ADH4: variants seen among roughly 807,000 people sequenced by gnomAD.
ADH4 encodes the protein alcohol dehydrogenase 4 (class II), pi polypeptide.
ADH4 carries 31 observed loss-of-function variants against 35.2 expected under a neutral mutation model. The observed-to-expected ratio is 0.88, with a 90% confidence interval of 0.66 to 1.19. ADH4 has a LOEUF of 1.19. ADH4 is among the 50% of genes most tolerant of loss of function. The pLI, the probability that ADH4 is intolerant of heterozygous loss-of-function variation, is 0.00. For missense variants in ADH4, 476 were observed against 458.3 expected, an observed-to-expected ratio of 1.04 and a Z score of -0.35; for synonymous variants, 171 against 160.2, an observed-to-expected ratio of 1.07 and a Z score of -0.51.
Position 99,136,493 on chromosome 4 carries a change from G to C in ADH4, c.555C>G (p.Gly185=), listed in dbSNP as rs1729436030. ...VCLLGCGFST[G]YGAAINNAKV... is the part of the protein sequence containing the mutation. ...TGGCATTGTTGATTGCAGCCCCATAGCCAGTTGAAAACCCACATCCAAGCA... is the reference window on the plus strand; with the variant it reads ...TGGCATTGTTGATTGCAGCCCCATACCCAGTTGAAAACCCACATCCAAGCA... The change falls in exon 5 of 9, where the codon GGC becomes GGG. Residue 185 remains glycine (G), a synonymous_variant. Transcript: ENST00000265512. 6.2e-7 allele frequency: 1 copy of C among 1,614,034 alleles called. No homozygotes were observed. Among genetic ancestry groups the C allele is most frequent in the Non-Finnish European group, 8.5e-7 (1 of 1,179,998 alleles).
At chr4:99,132,413 C>G (rs1190843929) in intron 5 of ADH4, among the ~76,000 whole-genome samples, 3 of 152,190 alleles carry the variant, frequency 2.0e-5, no homozygotes, top group Non-Finnish European at 4.4e-5. Flanking sequence ...GCCTGACTTC[C>G]AAGACATTCT....
At chr4:99,127,480 C>G in intron 6 of ADH4, 136 bp from the exon 7 acceptor site, 1 of 599,226 alleles carries the variant, frequency 1.7e-6, no homozygotes, top group Non-Finnish European at 2.7e-6. Flanking sequence ...CTAATGACAT[C>G]ATAGTATCAT....
intron 5 of ADH4, chr4:99,133,868 T>C (rs1336186386): frequency 6.6e-6 from 1 of 152,224 alleles, no homozygotes; most frequent in Admixed American, 6.5e-5. Flanking sequence ...CTGCAATGTT[T>C]TCCTTATTTA....
rs115965394 is a variant in ADH4, at chr4:99,126,485, G to T, written c.1118+109C>A. 7,477 of 1,104,900 alleles carry T rather than the reference G, an allele frequency of 6.8e-3. 41 individuals carry two copies. The highest frequency in any genetic ancestry group is 0.016 in the Middle Eastern group (50 of 3,164). The allele number at this position is 1,104,900 out of a possible 1,614,324, so 68.4% of individuals were successfully genotyped here. Reference sequence around the variant, plus strand: ...TCTTTTAAGCACATCTAGTACCTGGGATGTGGAAAATGTCAGAAAAAACAA... The same window carrying T: ...TCTTTTAAGCACATCTAGTACCTGGTATGTGGAAAATGTCAGAAAAAACAA... On this transcript the variant is annotated intron_variant, in intron 8 of 8. Transcript: ENST00000265512.
intron 5 of ADH4, among the ~76,000 whole-genome samples, chr4:99,134,726 C>T (rs761347180): frequency 4.0e-5 from 6 of 151,540 alleles, no homozygotes; most frequent in Non-Finnish European, 5.9e-5. Context: ...TAATTGTGTG[C>T]GTAAATACAT....
chr4:99,131,722 C>CA lies in ADH4; in HGVS notation c.624dup (p.Val209CysfsTer10). On this transcript the variant is annotated frameshift_variant, in exon 6 of 9. Coordinates refer to ENST00000265512, the MANE Select transcript of ADH4 (RefSeq NM_000670.5). LOFTEE classifies it high-confidence loss of function. ...CAACCCATTACAGCAGAAAGACCCA[C>CA]ACCTCCTAGGCCAAAGACAGCACAA... is the stretch of plus-strand genomic sequence containing the variant. The CA allele has an allele frequency of 6.2e-7, 1 of 1,614,192 alleles. No individual in the cohort carries two copies. Among genetic ancestry groups the CA allele is most frequent in the East Asian group, 2.2e-5 (1 of 44,878 alleles).
chr4:99,127,065 A>G (rs1729118660), intron 7 of ADH4, 144 bp downstream of exon 7: 1 of 484,390 alleles, frequency 2.1e-6, no homozygotes, highest in African/African-American at 2.0e-5. Flanking sequence ...TAAGTCATTA[A>G]TAGTTTTTAT....
At chr4:99,132,976 A>G (rs1729334134) in intron 5 of ADH4, among the ~76,000 whole-genome samples, 1 of 152,136 alleles carries the variant, frequency 6.6e-6, no homozygotes, top group Non-Finnish European at 1.5e-5. Flanking sequence ...AAATAGTAAG[A>G]ATATTGTTCT....
chr4:99,128,273 A>G (rs941282437), intron 6 of ADH4, among the ~76,000 whole-genome samples: 1 of 152,152 alleles, frequency 6.6e-6, no homozygotes, highest in African/African-American at 2.4e-5. Context: ...CGTCTCTACT[A>G]AAAATACAAA....
chr4:99,134,380 G>GTATATA (rs29001188), intron 5 of ADH4, among the ~76,000 whole-genome samples: 47 of 151,740 alleles, frequency 3.1e-4, no homozygotes, highest in African/African-American at 6.3e-4. Flanking sequence ...ATTCTACAGT[G>GTATATA]TATATATATA....
Position 99,141,552 on chromosome 4 carries a change from T to C in ADH4, c.251A>G (p.Asn84Ser). The C allele has an allele frequency of 6.2e-7, 1 of 1,607,684 alleles. No homozygotes were observed. The highest frequency in any genetic ancestry group is 1.3e-5 in the African/African-American group (1 of 74,622). Reference protein sequence around the residue: ...IVESIGPGVTNVKPGDKVIPL... With the variant: ...IVESIGPGVTSVKPGDKVIPL... ...ATAAAATAAAATACCTGGTTTGACG[T>C]TGGTCACTCCTGGCCCAATACTTTC... The change falls in exon 3 of 9, where the codon AAC (asparagine) becomes AGC (serine). Residue 84 changes from asparagine (N) to serine (S), a missense_variant. Coordinates refer to ENST00000265512, the MANE Select transcript of ADH4 (RefSeq NM_000670.5).
intron 3 of ADH4, among the ~76,000 whole-genome samples, chr4:99,139,400 C>T (rs1729542564): frequency 6.6e-6 from 1 of 152,142 alleles, no homozygotes; most frequent in Non-Finnish European, 1.5e-5. Flanking sequence ...AGATACAGAA[C>T]TCTGGGACTT....
chr4:99,139,044 C>G lies in ADH4; in HGVS notation c.350+17G>C. On this transcript the variant is annotated intron_variant, in intron 4 of 8. Transcript: ENST00000265512. ...TCATTCAAATTTATACTAATACTAA[C>G]AGTGTAGAGTGCTTACCTGATTTTC... 6.3e-7 allele frequency: 1 copy of G among 1,574,928 alleles called. No individual in the cohort carries two copies. Among genetic ancestry groups the G allele is most frequent in the Non-Finnish European group, 8.7e-7 (1 of 1,149,490 alleles).
At position 99,138,920 on chromosome 4, in the gene ADH4, C is replaced by G. The variant is rs192325684; in HGVS notation, c.350+141G>C. 5.3e-6 allele frequency: 3 copies of G among 567,916 alleles called. No homozygotes were observed. The Admixed American group carries it at 1.0e-4, about 20-fold the overall frequency. The allele number at this position is 567,916 out of a possible 1,614,324, so 35.2% of individuals were successfully genotyped here. On this transcript the variant is annotated intron_variant, in intron 4 of 8. Coordinates refer to ENST00000265512, the MANE Select transcript of ADH4 (RefSeq NM_000670.5). ...GCACATGTTTCTTTGTGTGCACTTG[C>G]AATAGTATCTTGTACACACCTAGGA...
chr4:99,132,191 G>A (rs1424111561), intron 5 of ADH4, among the ~76,000 whole-genome samples: 1 of 152,106 alleles, frequency 6.6e-6, no homozygotes, highest in African/African-American at 2.4e-5. Flanking sequence ...TCACCAGTTT[G>A]GAATGAAGTC....
At chr4:99,143,437 G>T (rs909180684) in intron 1 of ADH4, 43 of 392,520 alleles carry the variant, frequency 1.1e-4, no homozygotes, top group Non-Finnish European at 1.8e-4. Context: ...GGGTAAAGAT[G>T]AATGAACAGA....
intron 3 of ADH4, among the ~76,000 whole-genome samples, 190 bp from the exon 4 acceptor site, chr4:99,139,338 T>TA (rs911546042): frequency 1.4e-4 from 22 of 152,188 alleles, no homozygotes; most frequent in Non-Finnish European, 3.1e-4. Context: ...TTGTATTTTT[T>TA]AAAAAATTAC....
chr4:99,143,491 C>T, intron 1 of ADH4: 1 of 304,176 alleles, frequency 3.3e-6, no homozygotes, highest in Non-Finnish European at 6.2e-6. Context: ...TTTCTAGCCT[C>T]AAATTATATT....
chr4:99,133,747 C>G (rs1729355135), intron 5 of ADH4: 1 of 152,116 alleles, frequency 6.6e-6, no homozygotes, highest in African/African-American at 2.4e-5. Flanking sequence ...GCATTATTCA[C>G]AATAGCCAAA....
Sources: allele counts gnomAD v4.1 joint callset (sites outside exome capture counted in the v4.1 genomes callset), GRCh38; gene constraint gnomAD v4.1.1; transcripts MANE v1.5; gene names NCBI Gene and HGNC (gene_info 2026-07-23, HGNC 2026-07-21).